JAKMIP1: variants seen among roughly 807,000 people sequenced by gnomAD.
The protein encoded by JAKMIP1 is janus kinase and microtubule interacting protein 1.
Under a neutral mutation model 113.0 loss-of-function variants are expected in JAKMIP1, and 33 were observed. That is an observed-to-expected ratio of 0.29 (90% CI 0.22 to 0.39). The LOEUF (loss-of-function observed/expected upper bound fraction) is 0.39, where lower values mean the gene tolerates loss of function less well. Ranked by LOEUF, JAKMIP1 falls within the 10% of genes least tolerant of loss-of-function variation. The pLI is 1.00. For synonymous variants in JAKMIP1, 480 were observed against 459.9 expected (o/e 1.04, Z -0.56); for missense variants, 813 against 1,080.5 (o/e 0.75, Z 3.47).
At chr4:6,175,790 T>C (rs1264242550) in intron 1 of JAKMIP1, among the ~76,000 whole-genome samples, 1 of 152,226 alleles carries the variant, frequency 6.6e-6, no homozygotes, top group East Asian at 1.9e-4. Flanking sequence ...TGTTTTCCAA[T>C]TAAAGTAGCA....
intron 1 of JAKMIP1, among the ~76,000 whole-genome samples, chr4:6,121,084 C>T (rs943961038): frequency 2.6e-5 from 4 of 151,692 alleles, no homozygotes; most frequent in African/African-American, 9.7e-5. Context: ...CCTATAATCT[C>T]AGCTACTTGG....
chr4:6,168,913 CA>C lies in JAKMIP1; in HGVS notation c.-148+31339del, dbSNP rs112687448. Among the ~76,000 whole-genome samples, 8,806 of 143,776 alleles carry C rather than the reference CA, an allele frequency of 0.061. 427 individuals are homozygous for C. The highest frequency in any genetic ancestry group is 0.14 in the African/African-American group (5,651 of 39,508). The allele number at this position is 143,776 out of a possible 152,430, so 94.3% of individuals were successfully genotyped here. Reference sequence around the variant, plus strand: ...GAGAGCCTGTCTCAAAAAATAAAAACAAAAAAAAAAATCATAGGGACAAGAA... The same window carrying C: ...GAGAGCCTGTCTCAAAAAATAAAAACAAAAAAAAAATCATAGGGACAAGAA... On this transcript the variant is annotated intron_variant, in intron 1 of 20. Transcript: ENST00000409021. The surrounding 1 kb of genome is among the most constrained non-coding windows in gnomAD (Gnocchi z 4.6).
intron 5 of JAKMIP1, among the ~76,000 whole-genome samples, chr4:6,082,874 T>C (rs1376187102): frequency 6.6e-6 from 1 of 151,952 alleles, no homozygotes; most frequent in Admixed American, 6.6e-5. Context: ...ATCCACACAA[T>C]GGACTACCAA....
In JAKMIP1 at chr4:6,081,999, T is replaced by C. The variant is rs930320073; in HGVS notation, c.955-244A>G. Among the ~76,000 whole-genome samples the C allele has an allele frequency of 3.3e-5, 5 of 152,306 alleles. No homozygotes were observed. Among genetic ancestry groups the C allele is most frequent in the East Asian group, 1.9e-4 (1 of 5,182 alleles). ...CACATGGTGAGAATTGAATGCATAG[T>C]GGTAGTCTCCCAGTGTTATTTTCAT... On this transcript the variant is annotated intron_variant, in intron 5 of 20. Coordinates refer to ENST00000409021, the MANE Select transcript of JAKMIP1 (RefSeq NM_001099433.2). The surrounding 1 kb of genome is among the most constrained non-coding windows in gnomAD (Gnocchi z 4.6).
chr4:6,026,908 T>G (rs1176573280), intron 20 of JAKMIP1, among the ~76,000 whole-genome samples: 2 of 151,222 alleles, frequency 1.3e-5, no homozygotes, highest in Non-Finnish European at 2.9e-5. Flanking sequence ...CTATTGTTAG[T>G]GTTAGTGTAA....
chr4:6,078,807 T>A (rs578017578), intron 8 of JAKMIP1, 132 bp downstream of exon 8: 26 of 751,232 alleles, frequency 3.5e-5, no homozygotes, highest in Non-Finnish European at 5.7e-5. Flanking sequence ...AGGCTTTTCA[T>A]CATCAGGCAT....
rs1262692680 is a variant in JAKMIP1, at chr4:6,076,091, G to A, written c.1302+2848C>T. Among the ~76,000 whole-genome samples the A allele has an allele frequency of 4.6e-5, 7 of 152,144 alleles. No homozygotes were observed. Among genetic ancestry groups the A allele is most frequent in the Admixed American group, 6.6e-5 (1 of 15,266 alleles). ...CTTGGGAGGCTGAGGCAGGAGAATC[G>A]CTTGAACCTGGGAGGCAGAGGTTGC... On this transcript the variant is annotated intron_variant, in intron 8 of 20. Transcript: ENST00000409021. This position sits in a 1 kb window ranked among gnomAD's most constrained non-coding sequence, Gnocchi z 4.8.
chr4:6,060,338 C>A (rs1214567939), intron 11 of JAKMIP1, 86 bp downstream of exon 11: 1 of 992,278 alleles, frequency 1.0e-6, no homozygotes, highest in East Asian at 2.4e-5. Context: ...ACAGAATGTC[C>A]CCCTTGGCAC....
chr4:6,111,735 C>G (rs980874917), intron 2 of JAKMIP1, among the ~76,000 whole-genome samples: 1 of 152,208 alleles, frequency 6.6e-6, no homozygotes, highest in Non-Finnish European at 1.5e-5. Context: ...CAGCACCCAA[C>G]CAGGCACTGT....
In JAKMIP1 at chr4:6,051,087, C is replaced by A. The variant is rs1286769555; in HGVS notation, c.1807-408G>T. On this transcript the variant is annotated intron_variant, in intron 13 of 20. Transcript: ENST00000409021. This position sits in a 1 kb window ranked among gnomAD's most constrained non-coding sequence, Gnocchi z 5.0. ...ACTCTCCCGTCTAATCCTCACACTA[C>A]CCCAGGAGGCAGGCTCATTGCTTTC... Among the ~76,000 whole-genome samples, 5 of 152,242 alleles carry A rather than the reference C, an allele frequency of 3.3e-5. No homozygotes were observed. Among genetic ancestry groups the A allele is most frequent in the African/African-American group, 1.2e-4 (5 of 41,456 alleles).
intron 16 of JAKMIP1, among the ~76,000 whole-genome samples, chr4:6,048,335 T>C (rs1715249115): frequency 6.6e-6 from 1 of 152,218 alleles, no homozygotes; most frequent in African/African-American, 2.4e-5. Flanking sequence ...AAATATATCT[T>C]ATGGGCATAT....
chr4:6,071,557 G>C (rs1718963609), intron 8 of JAKMIP1, among the ~76,000 whole-genome samples: 1 of 152,190 alleles, frequency 6.6e-6, no homozygotes, highest in Non-Finnish European at 1.5e-5. Flanking sequence ...AAATTACCTA[G>C]AACCACCATA....
In JAKMIP1 at chr4:6,049,816, T is replaced by TA. The variant is rs764335233; in HGVS notation, c.1962+2dup. On this transcript the variant is annotated splice_region_variant and intron_variant, in intron 15 of 20. Transcript: ENST00000409021. The surrounding 1 kb of genome is among the most constrained non-coding windows in gnomAD (Gnocchi z 7.0). ...AAAGCAGAAACCGATCGCTCATAGT[T>TA]ACCCCGTTATCGCCAAGGATATCTA... 2 of 1,608,408 alleles carry TA rather than the reference T, an allele frequency of 1.2e-6. No individual in the cohort carries two copies. The highest frequency in any genetic ancestry group is 1.7e-6 in the Non-Finnish European group (2 of 1,174,914).
intron 1 of JAKMIP1, among the ~76,000 whole-genome samples, chr4:6,149,647 T>C (rs1283012917): frequency 6.7e-6 from 1 of 150,112 alleles, no homozygotes; most frequent in East Asian, 1.9e-4. Flanking sequence ...TCAATATTTA[T>C]ATTGGCTCAT....
intron 9 of JAKMIP1, 78 bp from the exon 10 acceptor site, chr4:6,062,518 TAAAC>T: frequency 7.1e-7 from 1 of 1,410,042 alleles, no homozygotes; most frequent in Non-Finnish European, 9.8e-7. Flanking sequence ...ATTTTAATAA[TAAAC>T]ATAAATAAAC....
chr4:6,196,257 A>T (rs904753286), intron 1 of JAKMIP1, among the ~76,000 whole-genome samples: 6 of 151,776 alleles, frequency 4.0e-5, no homozygotes, highest in Non-Finnish European at 8.8e-5. Flanking sequence ...GACTGTGGCC[A>T]CTCCCTGCAA....
rs946428706 is a variant in JAKMIP1 at position 6,150,264 on chromosome 4, C to A, written c.-147-37267G>T. 1 of 152,220 alleles carries A rather than the reference C, an allele frequency of 6.6e-6. No homozygotes were observed. Among genetic ancestry groups the A allele is most frequent in the Non-Finnish European group, 1.5e-5 (1 of 68,110 alleles). The allele number at this position is 152,220 out of a possible 1,614,324, so 9.4% of individuals were successfully genotyped here. A position where few individuals can be genotyped will look rare whatever the true frequency, so the allele number is the denominator to read the frequency against. On this transcript the variant is annotated intron_variant, in intron 1 of 20. Coordinates refer to ENST00000409021, the MANE Select transcript of JAKMIP1 (RefSeq NM_001099433.2). The surrounding 1 kb of genome is among the most constrained non-coding windows in gnomAD (Gnocchi z 4.8). ...TATTAGCTCAGTAATCTTCATAATTCTTTGAAGGAGGTGCCAGCTTCCCTC... is the reference window on the plus strand; with the variant it reads ...TATTAGCTCAGTAATCTTCATAATTATTTGAAGGAGGTGCCAGCTTCCCTC...
chr4:6,092,811 G>T (rs527699629), intron 3 of JAKMIP1, among the ~76,000 whole-genome samples: 1 of 152,328 alleles, frequency 6.6e-6, no homozygotes, highest in South Asian at 2.1e-4. Context: ...AGATTCAGGT[G>T]CAGGGGCCTC....
At chr4:6,066,709 T>A (rs1455871494) in intron 8 of JAKMIP1, among the ~76,000 whole-genome samples, 1 of 151,962 alleles carries the variant, frequency 6.6e-6, no homozygotes, top group Non-Finnish European at 1.5e-5. Flanking sequence ...CACCTTCAAC[T>A]CAAAATCCAG....
Sources: gnomAD v4.1 joint callset for allele counts (sites outside exome capture counted in the v4.1 genomes callset) on GRCh38, gnomAD v4.1.1 for gene constraint, Gnocchi (gnomAD v3.1) non-coding constraint, MANE v1.5 for transcripts, NCBI Gene and HGNC (gene_info 2026-07-23, HGNC 2026-07-21) for gene names.